DENND1A: variants seen among roughly 807,000 people sequenced by gnomAD.
DENND1A encodes the protein DENN domain containing 1A, also known as DENN domain-containing protein 1A.
DENND1A carries 51 observed loss-of-function variants against 113.7 expected under a neutral mutation model. The ratio of observed to expected loss-of-function variants is 0.45; its 90% confidence interval spans 0.36 to 0.57. The LOEUF (loss-of-function observed/expected upper bound fraction) is 0.57. Ranked by LOEUF, DENND1A falls within the 20% of genes least tolerant of loss-of-function variation. The pLI is 0.00. For missense variants in DENND1A, 1,258 were observed against 1,395.9 expected (o/e 0.90, Z 1.57); for synonymous variants, 565 against 570.8 (o/e 0.99, Z 0.14).
intron 5 of DENND1A, among the ~76,000 whole-genome samples, chr9:123,742,466 C>T (rs544732269): frequency 1.3e-5 from 2 of 152,302 alleles, no homozygotes; most frequent in East Asian, 3.9e-4. Context: ...TTCTGTAATC[C>T]CTTGAGATAT....
intron 13 of DENND1A, among the ~76,000 whole-genome samples, chr9:123,547,999 C>T (rs2056812679): frequency 6.6e-6 from 1 of 152,198 alleles, no homozygotes; most frequent in Admixed American, 6.5e-5. Flanking sequence ...TTATTTACAT[C>T]TTACACATGA....
chr9:123,840,456 T>C (rs1333781554), intron 2 of DENND1A, among the ~76,000 whole-genome samples: 1 of 152,208 alleles, frequency 6.6e-6, no homozygotes, highest in East Asian at 1.9e-4. Context: ...CGTTAGAATT[T>C]TTTATGAGAT....
At chr9:123,412,955 G>A (rs1026790622) in intron 19 of DENND1A, among the ~76,000 whole-genome samples, 5 of 152,316 alleles carry the variant, frequency 3.3e-5, no homozygotes, top group Non-Finnish European at 5.9e-5. Context: ...AGGCCAAGGT[G>A]GGCGGACCAC....
At chr9:123,762,750 G>T (rs76840309) in intron 4 of DENND1A, among the ~76,000 whole-genome samples, 3 of 152,178 alleles carry the variant, frequency 2.0e-5, no homozygotes, top group Admixed American at 6.5e-5. Context: ...AAGAAGAAAC[G>T]AAGATAGAGG....
At chr9:123,469,471 G>A (rs1407143053) in intron 13 of DENND1A, among the ~76,000 whole-genome samples, 5 of 152,218 alleles carry the variant, frequency 3.3e-5, no homozygotes, top group African/African-American at 9.6e-5. Context: ...CAGGCGTGTC[G>A]GCCCACGCCT....
chr9:123,497,721 C>T (rs948520231), intron 13 of DENND1A, among the ~76,000 whole-genome samples: 11 of 150,920 alleles, frequency 7.3e-5, no homozygotes, highest in Non-Finnish European at 1.6e-4. Context: ...CAAAAAACTA[C>T]GTTAGCACTA....
Position 123,457,863 on chromosome 9 carries a change from A to G in DENND1A, c.1028T>C (p.Val343Ala). Reference sequence around the variant, plus strand: ...CATGGCTCCGGAGCGGTAGTGGGACACGAAGGCTTCCTCACAGAAAGTGAT... The same window carrying G: ...CATGGCTCCGGAGCGGTAGTGGGACGCGAAGGCTTCCTCACAGAAAGTGAT... ...EPITFCEEAF[V>A]SHYRSGAMRQ... The change falls in exon 14 of 24, where the codon GTG becomes GCG. Residue 343 changes from valine (V) to alanine (A), a missense_variant. By Grantham distance (64) the Val-to-Ala change is moderately conservative (BLOSUM62 0). Around this residue, in one of 2 missense-constraint regions of DENND1A, gnomAD observed 1,159 missense variants for 1,231.7 expected, o/e 0.94. Coordinates refer to ENST00000394215, the MANE Select transcript of DENND1A (RefSeq NM_001352964.2). 1 of 1,612,710 alleles carries G rather than the reference A, an allele frequency of 6.2e-7. No individual in the cohort carries two copies. The highest frequency in any genetic ancestry group is 8.5e-7 in the Non-Finnish European group (1 of 1,179,410).
intron 2 of DENND1A, among the ~76,000 whole-genome samples, chr9:123,804,870 C>T (rs1835277103): frequency 6.6e-6 from 1 of 152,200 alleles, no homozygotes. Flanking sequence ...GTTCCAATTT[C>T]CTGTAGTCTG....
In DENND1A at chr9:123,860,509, TTAAA is replaced by T. The variant is rs1844910827; in HGVS notation, c.88+18438_88+18441del. Among the ~76,000 whole-genome samples the T allele has an allele frequency of 3.3e-5, 5 of 152,318 alleles. 1 individual carries two copies. The highest frequency in any genetic ancestry group is 3.3e-4 in the Admixed American group (5 of 15,300). The stretch of plus-strand genomic sequence containing the variant: ...TCATTAACAAGATTACCTATTGTGA[TTAAA>T]TAAATACAAACTGTTTGCAAAGTTT... On this transcript the variant is annotated intron_variant, in intron 2 of 23. Coordinates refer to ENST00000394215, the MANE Select transcript of DENND1A (RefSeq NM_001352964.2).
At chr9:123,900,241 C>T (rs942832412) in intron 1 of DENND1A, among the ~76,000 whole-genome samples, 1 of 152,156 alleles carries the variant, frequency 6.6e-6, no homozygotes, top group Non-Finnish European at 1.5e-5. Flanking sequence ...CTTTTAAGAA[C>T]GAAACCCAGT....
At chr9:123,860,278 T>C (rs1844870400) in intron 2 of DENND1A, among the ~76,000 whole-genome samples, 1 of 152,208 alleles carries the variant, frequency 6.6e-6, no homozygotes, top group Non-Finnish European at 1.5e-5. Flanking sequence ...GAATCACCCC[T>C]GACATTTTGT....
At chr9:123,586,940 AAC>A (rs1183072133) in intron 11 of DENND1A, among the ~76,000 whole-genome samples, 2 of 152,032 alleles carry the variant, frequency 1.3e-5, no homozygotes, top group South Asian at 2.1e-4. Context: ...TCAACTTTTG[AAC>A]ACAGTCTTAT....
intron 11 of DENND1A, among the ~76,000 whole-genome samples, chr9:123,595,942 C>G (rs1351445911): frequency 6.6e-6 from 1 of 152,210 alleles, no homozygotes; most frequent in Non-Finnish European, 1.5e-5. Context: ...CCTACTCACA[C>G]TCTGACTCTG....
chr9:123,843,087 T>C, intron 2 of DENND1A: 1 of 537,550 alleles, frequency 1.9e-6, no homozygotes, highest in Non-Finnish European at 3.8e-6. Flanking sequence ...TTTATGCATA[T>C]TTTCAATTAT....
At chr9:123,668,233 T>C (rs2063586901) in intron 7 of DENND1A, among the ~76,000 whole-genome samples, 1 of 152,076 alleles carries the variant, frequency 6.6e-6, no homozygotes, top group Non-Finnish European at 1.5e-5. Context: ...CCAAGTGACA[T>C]TTCAGGAAGT....
At chr9:123,923,514 T>G (rs955698830) in intron 1 of DENND1A, among the ~76,000 whole-genome samples, 1 of 152,342 alleles carries the variant, frequency 6.6e-6, no homozygotes, top group South Asian at 2.1e-4. Context: ...AGCAGAGAGA[T>G]ACGTTAGTTG....
At chr9:123,465,173 T>A (rs566035161) in intron 13 of DENND1A, among the ~76,000 whole-genome samples, 1 of 149,836 alleles carries the variant, frequency 6.7e-6, no homozygotes, top group East Asian at 1.9e-4. Context: ...AGAGCAAGAC[T>A]ACGTCTCAAA....
chr9:123,641,738 GAATA>G (rs1261809601), intron 9 of DENND1A, among the ~76,000 whole-genome samples: 5 of 152,180 alleles, frequency 3.3e-5, no homozygotes, highest in South Asian at 2.1e-4. Context: ...AGCCACCAAA[GAATA>G]AATATTGTTT....
chr9:123,788,701 G>A (rs910274808), intron 3 of DENND1A, among the ~76,000 whole-genome samples: 1 of 151,970 alleles, frequency 6.6e-6, no homozygotes, highest in African/African-American at 2.4e-5. Context: ...TTGTGCTTCA[G>A]TCCTTTAACA....
Sources: allele counts gnomAD v4.1 joint callset (sites outside exome capture counted in the v4.1 genomes callset), GRCh38; gene constraint gnomAD v4.1.1; regional missense constraint gnomAD v4.1.1; transcripts MANE v1.5; gene names NCBI Gene and HGNC (gene_info 2026-07-23, HGNC 2026-07-21).